The following PCDHGA7 variants were observed in gnomAD, a reference collection of about 807,000 sequenced individuals.
PCDHGA7 encodes the protein protocadherin gamma subfamily A, 7.
In PCDHGA7, 44 loss-of-function variants were observed where a neutral mutation model predicts 58.3. The ratio of observed to expected loss-of-function variants is 0.75; its 90% CI spans 0.59 to 0.97. The LOEUF is 0.97. Ranked by LOEUF, PCDHGA7 falls within the 50% of genes least tolerant of loss-of-function variation. PCDHGA7 has a pLI of 0.00. For synonymous variants in PCDHGA7, 516 were observed against 504.2 expected (o/e 1.02, Z -0.31); for missense variants, 1,266 against 1,188.7 (o/e 1.06, Z -0.96).
At chr5:141,430,373 A>G (rs1456234962) in intron 1 of PCDHGA7, among the ~76,000 whole-genome samples, 1 of 151,170 alleles carries the variant, frequency 6.6e-6, no homozygotes, top group Non-Finnish European at 1.5e-5. Flanking sequence ...GGGAAAAAAA[A>G]GCTCATTGGG....
rs1174072440 is a variant in PCDHGA7, at chr5:141,438,581, TACATACATAC to T, written c.2424+53260_2424+53269del. Among the ~76,000 whole-genome samples, 141 of 49,790 alleles carry T rather than the reference TACATACATAC, an allele frequency of 2.8e-3. 1 individual carries two copies. Among genetic ancestry groups the T allele is most frequent in the African/African-American group, 0.014 (97 of 6,866 alleles). 32.7% of individuals were successfully genotyped at this position (49,790 alleles called of 152,430 possible). A position where few individuals can be genotyped will look rare whatever the true frequency, so the allele number is the denominator to read the frequency against. On this transcript the variant is annotated intron_variant, in intron 1 of 3. Coordinates refer to ENST00000518325, the MANE Select transcript of PCDHGA7 (RefSeq NM_018920.4). ...GAGGCAGCTGTCTGATATACATACA[TACATACATAC>T]ATATATATATATATATATATATATA...
intron 1 of PCDHGA7, chr5:141,418,610 C>T: frequency 6.2e-7 from 1 of 1,614,054 alleles, no homozygotes; most frequent in Non-Finnish European, 8.5e-7. Context: ...CAGGGTTAGC[C>T]TTCGGGAAGA....
chr5:141,414,067 C>G (rs998058224), intron 1 of PCDHGA7: 1 of 1,607,570 alleles, frequency 6.2e-7, no homozygotes, highest in Non-Finnish European at 8.5e-7. Flanking sequence ...GAAGTTCCAA[C>G]TAAACAAATA....
intron 1 of PCDHGA7, chr5:141,422,104 T>C: frequency 6.2e-7 from 1 of 1,607,960 alleles, no homozygotes; most frequent in Non-Finnish European, 8.5e-7. Context: ...TTCTGAAATA[T>C]TCCAATTGGA....
intron 1 of PCDHGA7, chr5:141,475,966 A>T (rs1252698069): frequency 2.3e-6 from 2 of 888,664 alleles, no homozygotes; most frequent in Admixed American, 5.2e-5. Flanking sequence ...GGGATGAGGC[A>T]GAGACTGAAC....
rs903741318 is a variant in PCDHGA7, at chr5:141,454,939, C to G, written c.2425-39868C>G. On this transcript the variant is annotated intron_variant, in intron 1 of 3. Coordinates refer to ENST00000518325, the MANE Select transcript of PCDHGA7 (RefSeq NM_018920.4). ...TCTCCTGCCTCAGCCTCCCGAGTAG[C>G]TGGGACTACAGGCGCCGGCCACCAC... 6.0e-5 allele frequency among the ~76,000 whole-genome samples: 9 copies of G among 150,982 alleles called. No homozygotes were observed. The East Asian group carries it at 1.8e-3, about 30-fold the overall frequency.
rs114492681 is a variant in PCDHGA7, at chr5:141,408,401, C to A, written c.2424+23078C>A. 1.5e-3 allele frequency: 2,364 copies of A among 1,614,010 alleles called. 32 individuals are homozygous for A. The African/African-American group carries it at 0.028, about 19-fold the overall frequency. On this transcript the variant is annotated intron_variant, in intron 1 of 3. Coordinates refer to ENST00000518325, the MANE Select transcript of PCDHGA7 (RefSeq NM_018920.4). ...CCTGGATGTGTCGGCTCGCAAGCTG[C>A]GAGTGAGCGCGGAGAAGCTGCACTT...
intron 1 of PCDHGA7, chr5:141,410,428 C>A (rs376561050): frequency 5.0e-6 from 8 of 1,613,906 alleles, no homozygotes; most frequent in African/African-American, 1.3e-5. Flanking sequence ...TTCCCCCCAA[C>A]TACAGTGAGG....
At chr5:141,419,443 C>A in intron 1 of PCDHGA7, 1 of 1,613,080 alleles carries the variant, frequency 6.2e-7, no homozygotes, top group Non-Finnish European at 8.5e-7. Context: ...TGCGCACCTT[C>A]GAGCTCACGC....
chr5:141,416,412 A>G (rs1391280535), intron 1 of PCDHGA7: 1 of 152,182 alleles, frequency 6.6e-6, no homozygotes, highest in Non-Finnish European at 1.5e-5. Flanking sequence ...TTTTTGTTAA[A>G]TTTTCTAGTG....
chr5:141,490,396 A>G lies in PCDHGA7; in HGVS notation c.2425-4411A>G. ...GGACTCAGGTAGAAATGGTGAAGTGAGCCTTGATATCTCTCCGGACCTGCC... is the reference window on the plus strand; with the variant it reads ...GGACTCAGGTAGAAATGGTGAAGTGGGCCTTGATATCTCTCCGGACCTGCC... On this transcript the variant is annotated intron_variant, in intron 1 of 3. Coordinates refer to ENST00000518325, the MANE Select transcript of PCDHGA7 (RefSeq NM_018920.4). The surrounding 1 kb of genome is among the most constrained non-coding windows in gnomAD (Gnocchi z 5.4). 1 of 1,614,146 alleles carries G rather than the reference A, an allele frequency of 6.2e-7. No homozygotes were observed. The highest frequency in any genetic ancestry group is 8.5e-7 in the Non-Finnish European group (1 of 1,180,030).
intron 2 of PCDHGA7, among the ~76,000 whole-genome samples, chr5:141,505,066 G>A (rs1312509903): frequency 6.6e-6 from 1 of 152,190 alleles, no homozygotes; most frequent in Non-Finnish European, 1.5e-5. Flanking sequence ...GGAGACTGAG[G>A]CAGGAGAATC....
At chr5:141,423,659 A>G in intron 1 of PCDHGA7, 2 of 1,551,038 alleles carry the variant, frequency 1.3e-6, no homozygotes, top group Non-Finnish European at 1.7e-6. Flanking sequence ...ACAAGTAATC[A>G]GGTGAGATTT....
At chr5:141,420,222 TG>T in intron 1 of PCDHGA7, 1 of 1,604,490 alleles carries the variant, frequency 6.2e-7, no homozygotes, top group East Asian at 2.2e-5. Flanking sequence ...AGCATGCTAC[TG>T]GCTAGCATTT....
At chr5:141,451,712 C>G (rs769620335) in intron 1 of PCDHGA7, among the ~76,000 whole-genome samples, 2 of 151,994 alleles carry the variant, frequency 1.3e-5, no homozygotes, top group African/African-American at 4.8e-5. Context: ...CAAAACCCTG[C>G]CTCTACTAAA....
At chr5:141,501,423 A>C (rs1195105794) in intron 2 of PCDHGA7, among the ~76,000 whole-genome samples, 1 of 151,966 alleles carries the variant, frequency 6.6e-6, no homozygotes, top group Non-Finnish European at 1.5e-5. Flanking sequence ...AGTTGACTAA[A>C]TGTAGTCCAT....
At chr5:141,407,261 C>G (rs1396861077) in intron 1 of PCDHGA7, among the ~76,000 whole-genome samples, 1 of 152,128 alleles carries the variant, frequency 6.6e-6, no homozygotes, top group Non-Finnish European at 1.5e-5. Flanking sequence ...TATTTTTAAC[C>G]ATGCAACAAG....
rs1186225096 is a variant in PCDHGA7, at chr5:141,490,605, C to G, written c.2425-4202C>G. The G allele has an allele frequency of 1.1e-5, 18 of 1,614,198 alleles. No homozygotes were observed. Among genetic ancestry groups the G allele is most frequent in the Non-Finnish European group, 1.5e-5 (18 of 1,180,030 alleles). On this transcript the variant is annotated intron_variant, in intron 1 of 3. Transcript: ENST00000518325. The surrounding 1 kb of genome is among the most constrained non-coding windows in gnomAD (Gnocchi z 5.4). ...TCAATGACAATGCACCCCGCTTCAACCAGCAGCTTTACACTGCTTACATCC... is the reference window on the plus strand; with the variant it reads ...TCAATGACAATGCACCCCGCTTCAAGCAGCAGCTTTACACTGCTTACATCC...
At chr5:141,468,668 C>T (rs993230755) in intron 1 of PCDHGA7, 1 of 149,910 alleles carries the variant, frequency 6.7e-6, no homozygotes, top group Admixed American at 6.7e-5. Context: ...AGATCAAGAC[C>T]ATCCTGGCTA....
Sources: allele counts gnomAD v4.1 joint callset (sites outside exome capture counted in the v4.1 genomes callset), GRCh38; gene constraint gnomAD v4.1.1; non-coding constraint Gnocchi (gnomAD v3.1); transcripts MANE v1.5; gene names NCBI Gene and HGNC (gene_info 2026-07-23, HGNC 2026-07-21).